The following GLYATL3 variants were observed in gnomAD, a reference collection of about 807,000 sequenced individuals.
GLYATL3 encodes glycine N-acyltransferase-like protein 3.
Under a neutral mutation model 28.5 loss-of-function variants are expected in GLYATL3, and 31 were observed. That is an observed-to-expected ratio of 1.09 (90% confidence interval 0.82 to 1.47). GLYATL3 has a LOEUF of 1.47. Ranked by LOEUF, GLYATL3 falls within the 40% of genes most tolerant of loss-of-function variation. The pLI, the probability that GLYATL3 is intolerant of heterozygous loss-of-function variation, is 0.00. For missense variants in GLYATL3, 369 were observed against 351.5 expected (o/e 1.05, Z -0.40); for synonymous variants, 141 against 140.2 (o/e 1.01, Z -0.04).
intron 5 of GLYATL3, among the ~76,000 whole-genome samples, chr6:49,525,368 C>T (rs1208470574): frequency 6.6e-6 from 1 of 151,590 alleles, no homozygotes; most frequent in Admixed American, 6.6e-5. Context: ...CAGTTGGAGG[C>T]CAGCCTAGCC....
intron 3 of GLYATL3, 97 bp downstream of exon 3, chr6:49,515,857 C>T: frequency 1.5e-6 from 1 of 676,354 alleles, no homozygotes; most frequent in East Asian, 2.9e-5. Flanking sequence ...TTTACATTAG[C>T]TTACAACACT....
Position 49,527,015 on chromosome 6 carries a change from G to T in GLYATL3, c.*101G>T. On this transcript the variant is annotated 3_prime_UTR_variant, in exon 6 of 6. Transcript: ENST00000371197. ...TTAAAATGGGAATCAGGGGACTCTT[G>T]AGTTGTTGGAAAGGGTCTGGAGAAT... The T allele has an allele frequency of 1.1e-6, 1 of 886,158 alleles. No individual in the cohort carries two copies. The highest frequency in any genetic ancestry group is 1.7e-6 in the Non-Finnish European group (1 of 597,068). 54.9% of individuals were successfully genotyped at this position (886,158 alleles called of 1,614,324 possible). A position where few individuals can be genotyped will look rare whatever the true frequency, so the allele number is the denominator to read the frequency against.
chr6:49,527,032 C>A lies in GLYATL3; in HGVS notation c.*118C>A. ...GGACTCTTGAGTTGTTGGAAAGGGT[C>A]TGGAGAATATATACAGGATCCACTT... On this transcript the variant is annotated 3_prime_UTR_variant, in exon 6 of 6. Transcript: ENST00000371197. The A allele has an allele frequency of 1.3e-6, 1 of 763,366 alleles. No individual in the cohort carries two copies. Among genetic ancestry groups the A allele is most frequent in the East Asian group, 2.7e-5 (1 of 36,870 alleles). The allele number at this position is 763,366 out of a possible 1,614,324, so 47.3% of individuals were successfully genotyped here.
chr6:49,510,228 G>C (rs1769096984), intron 1 of GLYATL3, among the ~76,000 whole-genome samples: 1 of 151,834 alleles, frequency 6.6e-6, no homozygotes, highest in Non-Finnish European at 1.5e-5. Context: ...TTTTAGTAGA[G>C]ACAGGGTTTC....
intron 1 of GLYATL3, among the ~76,000 whole-genome samples, chr6:49,510,903 T>C (rs1236610375): frequency 6.6e-6 from 1 of 152,202 alleles, no homozygotes; most frequent in Non-Finnish European, 1.5e-5. Context: ...ATAAACCTCA[T>C]GATAGAATTT....
intron 5 of GLYATL3, among the ~76,000 whole-genome samples, chr6:49,525,560 C>CAAAAAAAAAAAA (rs56711143): frequency 3.0e-5 from 2 of 66,594 alleles, no homozygotes; most frequent in African/African-American, 1.3e-4. Context: ...GCAAGGCTCT[C>CAAAAAAAAAAAA]AAAAAAAAAA....
At chr6:49,519,045 G>A (rs1193030677) in intron 4 of GLYATL3, among the ~76,000 whole-genome samples, 1 of 152,170 alleles carries the variant, frequency 6.6e-6, no homozygotes, top group Non-Finnish European at 1.5e-5. Flanking sequence ...ACGCTGGTTA[G>A]AAATGAGACA....
chr6:49,518,867 G>A (rs1314449248), intron 4 of GLYATL3, among the ~76,000 whole-genome samples: 1 of 152,140 alleles, frequency 6.6e-6, no homozygotes, highest in Non-Finnish European at 1.5e-5. Flanking sequence ...CGTGAACCCA[G>A]GAGGTGGAGC....
At chr6:49,501,002 G>A (rs764812650) in intron 1 of GLYATL3, among the ~76,000 whole-genome samples, 8 of 152,186 alleles carry the variant, frequency 5.3e-5, no homozygotes, top group Non-Finnish European at 1.2e-4. Context: ...TGAACCCATG[G>A]GGGAATGTCT....
At chr6:49,510,420 T>A (rs1769100966) in intron 1 of GLYATL3, among the ~76,000 whole-genome samples, 1 of 152,176 alleles carries the variant, frequency 6.6e-6, no homozygotes, top group Admixed American at 6.5e-5. Context: ...ACAAATGTTC[T>A]AATTCGTACT....
In GLYATL3 at chr6:49,526,906, C is replaced by T. The variant is rs1769431815; in HGVS notation, c.859C>T (p.His287Tyr). Residue 287 changes from histidine (H) to tyrosine (Y), a missense_variant, in exon 6 of 6, where the codon CAC becomes TAC. Transcript: ENST00000371197. ...LTPATFSGLP[H>Y]L ...CCCTGCGACTTTCTCTGGCCTGCCT[C>T]ACCTCTAGCCCAGTAAAAAACTGCA... 2 of 1,525,888 alleles carry T rather than the reference C, an allele frequency of 1.3e-6. No individual in the cohort carries two copies. 94.5% of individuals were successfully genotyped at this position (1,525,888 alleles called of 1,614,324 possible).
At chr6:49,501,313 G>A (rs562546592) in intron 1 of GLYATL3, among the ~76,000 whole-genome samples, 14 of 152,276 alleles carry the variant, frequency 9.2e-5, no homozygotes, top group African/African-American at 2.6e-4. Context: ...GCAATGCAAC[G>A]GGGCTCTCTC....
Position 49,526,989 on chromosome 6 carries a change from GTTAAAATGGGAA to G in GLYATL3, c.*77_*88del. Reference sequence around the variant, plus strand: ...ACTCTTGGCTGCCAACGAGGGGAGAGTTAAAATGGGAATCAGGGGACTCTTGAGTTGTTGGAA... The same window carrying G: ...ACTCTTGGCTGCCAACGAGGGGAGAGTCAGGGGACTCTTGAGTTGTTGGAA... On this transcript the variant is annotated 3_prime_UTR_variant, in exon 6 of 6. Coordinates refer to ENST00000371197, the MANE Select transcript of GLYATL3 (RefSeq NM_001010904.2). 9.1e-7 allele frequency: 1 copy of G among 1,104,052 alleles called. No homozygotes were observed. Among genetic ancestry groups the G allele is most frequent in the Non-Finnish European group, 1.3e-6 (1 of 793,984 alleles). The allele number at this position is 1,104,052 out of a possible 1,614,324, so 68.4% of individuals were successfully genotyped here. A position where few individuals can be genotyped will look rare whatever the true frequency, so the allele number is the denominator to read the frequency against.
At chr6:49,500,246 G>A (rs1024672181) in intron 1 of GLYATL3, among the ~76,000 whole-genome samples, 3 of 151,892 alleles carry the variant, frequency 2.0e-5, no homozygotes, top group Non-Finnish European at 4.4e-5. Context: ...TTGATATGAG[G>A]AAAATTTTTA....
In GLYATL3 at chr6:49,526,672, T is replaced by A. The variant is rs554638781; in HGVS notation, c.625T>A (p.Phe209Ile). ...NPVSWSITDQFATMCHGYTLP... is the reference protein window; with the variant it reads ...NPVSWSITDQIATMCHGYTLP... ...GGTCTCCTGGTCCATCACAGACCAGTTTGCCACCATGTGCCATGGCTACAC... is the reference window on the plus strand; with the variant it reads ...GGTCTCCTGGTCCATCACAGACCAGATTGCCACCATGTGCCATGGCTACAC... The change falls in exon 6 of 6, where the codon TTT (phenylalanine) becomes ATT (isoleucine). Residue 209 changes from phenylalanine to isoleucine, a missense_variant. Transcript: ENST00000371197. 181 of 1,551,782 alleles carry A rather than the reference T, an allele frequency of 1.2e-4. 1 individual carries two copies. In the African/African-American group the frequency reaches 2.3e-3, roughly 19 times the overall value.
intron 5 of GLYATL3, among the ~76,000 whole-genome samples, chr6:49,522,430 T>C (rs1261925180): frequency 6.6e-6 from 1 of 152,212 alleles, no homozygotes; most frequent in Non-Finnish European, 1.5e-5. Flanking sequence ...CATTTACTAA[T>C]TACCTTTCTG....
At position 49,527,049 on chromosome 6, in the gene GLYATL3, G is replaced by T. The variant is rs1313138120; in HGVS notation, c.*135G>T. ...GAAAGGGTCTGGAGAATATATACAGGATCCACTTGAGAAGCCTTAATTTTT... is the reference window on the plus strand; with the variant it reads ...GAAAGGGTCTGGAGAATATATACAGTATCCACTTGAGAAGCCTTAATTTTT... On this transcript the variant is annotated 3_prime_UTR_variant, in exon 6 of 6. Transcript: ENST00000371197. 2 of 665,744 alleles carry T rather than the reference G, an allele frequency of 3.0e-6. No individual in the cohort carries two copies. The highest frequency in any genetic ancestry group is 4.9e-6 in the Non-Finnish European group (2 of 406,710). The allele number at this position is 665,744 out of a possible 1,614,324, so 41.2% of individuals were successfully genotyped here.
intron 4 of GLYATL3, among the ~76,000 whole-genome samples, chr6:49,519,802 C>T (rs1291814323): frequency 6.6e-6 from 1 of 152,184 alleles, no homozygotes; most frequent in Non-Finnish European, 1.5e-5. Context: ...CAACAAGCTA[C>T]CCAGAGTAGC....
intron 1 of GLYATL3, among the ~76,000 whole-genome samples, chr6:49,504,440 G>T (rs972550859): frequency 2.0e-5 from 3 of 151,968 alleles, no homozygotes; most frequent in African/African-American, 7.3e-5. Flanking sequence ...CCTTTTGACC[G>T]TATATTAGAT....
Sources: allele counts gnomAD v4.1 joint callset (sites outside exome capture counted in the v4.1 genomes callset), GRCh38; gene constraint gnomAD v4.1.1; transcripts MANE v1.5; gene names NCBI Gene and HGNC (gene_info 2026-07-23, HGNC 2026-07-21).